Variants in SUPT3H observed in about 807,000 individuals in gnomAD.
SUPT3H encodes the protein transcription initiation protein SPT3 homolog.
SUPT3H carries 44 observed loss-of-function variants against 44.3 expected under a neutral mutation model. That is an observed-to-expected ratio of 0.99 (90% CI 0.78 to 1.28). The LOEUF (loss-of-function observed/expected upper bound fraction) is 1.28, where lower values mean the gene tolerates loss of function less well. Ranked by LOEUF, SUPT3H falls within the 50% of genes most tolerant of loss-of-function variation. SUPT3H has a pLI of 0.00. For missense variants in SUPT3H, 380 were observed against 387.1 expected (o/e 0.98, Z 0.15); for synonymous variants, 124 against 125.6 (o/e 0.99, Z 0.09).
chr6:45,215,904 C>G (rs1325584387), intron 2 of SUPT3H, among the ~76,000 whole-genome samples: 1 of 152,030 alleles, frequency 6.6e-6, no homozygotes, highest in Admixed American at 6.6e-5. Context: ...AAGTCAAAGC[C>G]AGAATTCTAA....
intron 10 of SUPT3H, among the ~76,000 whole-genome samples, chr6:44,884,311 C>T (rs982668897): frequency 1.3e-5 from 2 of 152,124 alleles, no homozygotes; most frequent in African/African-American, 4.8e-5. Context: ...GAGATACCAT[C>T]TCACGCCAGT....
At chr6:45,099,316 C>G (rs907584163) in intron 3 of SUPT3H, 2 of 150,536 alleles carry the variant, frequency 1.3e-5, no homozygotes, top group Non-Finnish European at 2.9e-5. Context: ...CTTAAAAATC[C>G]GAATCAATGA....
chr6:45,138,680 G>C (rs1213387140), intron 2 of SUPT3H, among the ~76,000 whole-genome samples: 1 of 152,060 alleles, frequency 6.6e-6, no homozygotes. Context: ...TATGAAGACA[G>C]AAAGCCAATC....
At chr6:45,212,900 T>C (rs1342522568) in intron 2 of SUPT3H, among the ~76,000 whole-genome samples, 1 of 152,188 alleles carries the variant, frequency 6.6e-6, no homozygotes, top group Non-Finnish European at 1.5e-5. Flanking sequence ...TCAAAAATTA[T>C]ACAAGGTTGT....
At chr6:44,982,086 A>G (rs1006271276) in intron 6 of SUPT3H, among the ~76,000 whole-genome samples, 1 of 152,188 alleles carries the variant, frequency 6.6e-6, no homozygotes, top group African/African-American at 2.4e-5. Flanking sequence ...AGAAATTTAA[A>G]AAGCAAAGAA....
At chr6:45,063,002 G>C (rs1385401638) in intron 3 of SUPT3H, among the ~76,000 whole-genome samples, 1 of 151,402 alleles carries the variant, frequency 6.6e-6, no homozygotes, top group African/African-American at 2.4e-5. Context: ...TCCACCTCTG[G>C]GGGCAGGGCA....
intron 10 of SUPT3H, among the ~76,000 whole-genome samples, chr6:44,840,268 C>G (rs1204305065): frequency 6.6e-6 from 1 of 152,116 alleles, no homozygotes; most frequent in African/African-American, 2.4e-5. Flanking sequence ...ATAATTTCAA[C>G]TAGGTTTTAG....
chr6:45,059,131 T>C (rs1046613799), intron 3 of SUPT3H, among the ~76,000 whole-genome samples: 1 of 152,002 alleles, frequency 6.6e-6, no homozygotes, highest in Non-Finnish European at 1.5e-5. Context: ...TACTGGAATA[T>C]ACTCTATTCA....
chr6:45,297,597 T>C (rs2149902875), intron 2 of SUPT3H, among the ~76,000 whole-genome samples: 1 of 152,370 alleles, frequency 6.6e-6, no homozygotes, highest in East Asian at 1.9e-4. Context: ...TCTGAGCTCA[T>C]TTTATTGTCT....
chr6:45,263,326 T>C (rs1774703626), intron 2 of SUPT3H, among the ~76,000 whole-genome samples: 1 of 152,178 alleles, frequency 6.6e-6, no homozygotes, highest in Non-Finnish European at 1.5e-5. Flanking sequence ...ATTATGTCCT[T>C]TGCAGAAATA....
intron 2 of SUPT3H, among the ~76,000 whole-genome samples, chr6:45,166,878 G>C (rs1397960131): frequency 6.6e-6 from 1 of 152,180 alleles, no homozygotes; most frequent in Non-Finnish European, 1.5e-5. Context: ...ACAAGAGCAA[G>C]TGTTGACGAA....
intron 2 of SUPT3H, among the ~76,000 whole-genome samples, chr6:45,291,712 G>A (rs562192514): frequency 3.9e-5 from 6 of 152,234 alleles, no homozygotes; most frequent in African/African-American, 1.4e-4. Context: ...TGAAGACAAG[G>A]TCTTCTAATT....
chr6:45,337,377 A>T (rs1239712788), intron 2 of SUPT3H, among the ~76,000 whole-genome samples: 2 of 151,622 alleles, frequency 1.3e-5, no homozygotes, highest in Non-Finnish European at 3.0e-5. Flanking sequence ...GCATTCGAAG[A>T]AAAAAAAGCT....
At chr6:45,079,645 T>C (rs1480488573) in intron 3 of SUPT3H, among the ~76,000 whole-genome samples, 1 of 152,046 alleles carries the variant, frequency 6.6e-6, no homozygotes, top group East Asian at 1.9e-4. Flanking sequence ...AACAAATACA[T>C]ACATCTACAG....
In SUPT3H at chr6:45,254,424, C is replaced by G. The variant is rs566527946; in HGVS notation, c.101+110777G>C. On this transcript the variant is annotated intron_variant, in intron 2 of 10. Coordinates refer to ENST00000371459, the MANE Select transcript of SUPT3H (RefSeq NM_003599.4). ...AAAGGACACTAAAATTTAAAACAGT[C>G]TATGTCCTCAAAGAAGTGTTAATCA... Among the ~76,000 whole-genome samples the G allele has an allele frequency of 4.6e-4, 70 of 152,234 alleles. 1 individual carries two copies. Among genetic ancestry groups the G allele is most frequent in the Admixed American group, 1.6e-3 (24 of 15,288 alleles).
intron 2 of SUPT3H, among the ~76,000 whole-genome samples, chr6:45,236,894 T>C (rs9381377): frequency 0.31 from 47,034 of 152,130 alleles, 8,952 homozygotes; most frequent in East Asian, 0.57. Flanking sequence ...AGTCAGATGT[T>C]GCCAGTGGGG....
At chr6:45,179,986 A>G (rs1484465619) in intron 2 of SUPT3H, among the ~76,000 whole-genome samples, 1 of 152,134 alleles carries the variant, frequency 6.6e-6, no homozygotes, top group African/African-American at 2.4e-5. Flanking sequence ...TCAGCCCAGA[A>G]TCTCCTTAAG....
intron 2 of SUPT3H, among the ~76,000 whole-genome samples, chr6:45,230,405 T>A (rs114382706): frequency 5.9e-5 from 9 of 151,924 alleles, no homozygotes; most frequent in Non-Finnish European, 1.0e-4. Flanking sequence ...TGAACCTGCA[T>A]GCCCCAGTGT....
intron 5 of SUPT3H, among the ~76,000 whole-genome samples, chr6:45,007,015 T>C (rs796384706): frequency 1.3e-5 from 2 of 152,194 alleles, no homozygotes; most frequent in African/African-American, 4.8e-5. Context: ...TATTTGCATA[T>C]TGTCGAATAT....
Sources: gnomAD v4.1 joint callset for allele counts (sites outside exome capture counted in the v4.1 genomes callset) on GRCh38, gnomAD v4.1.1 for gene constraint, MANE v1.5 for transcripts, NCBI Gene and HGNC (gene_info 2026-07-23, HGNC 2026-07-21) for gene names.